BARD1: variants seen among roughly 807,000 people sequenced by gnomAD.
BARD1 encodes BRCA1-associated RING domain protein 1.
BARD1 carries 73 observed loss-of-function variants against 77.0 expected under a neutral mutation model. The ratio of observed to expected loss-of-function variants is 0.95; its 90% CI spans 0.79 to 1.15. The LOEUF (loss-of-function observed/expected upper bound fraction) is 1.15, where lower values mean the gene tolerates loss of function less well. BARD1 is among the 50% of genes most tolerant of loss of function. The probability of loss-of-function intolerance (pLI) is 0.00; values close to 1 mark genes in which losing one functional copy is unlikely to be tolerated. For synonymous variants in BARD1, 384 were observed against 338.0 expected (o/e 1.14, Z -1.49); for missense variants, 993 against 938.8 (o/e 1.06, Z -0.75).
rs1184047535 is a variant in BARD1, at chr2:214,792,541, G to C, written c.216-96C>G. On this transcript the variant is annotated intron_variant, in intron 2 of 10. Transcript: ENST00000260947. Reference sequence around the variant, plus strand: ...TTGAACAGAAATAAATGGAGCAGAGGTTATTCTAACATACAATGGTCAATT... The same window carrying C: ...TTGAACAGAAATAAATGGAGCAGAGCTTATTCTAACATACAATGGTCAATT... 4.1e-6 allele frequency: 5 copies of C among 1,232,580 alleles called. No individual in the cohort carries two copies. In the Admixed American group the frequency reaches 8.2e-5, roughly 20 times the overall value. 76.4% of individuals were successfully genotyped at this position (1,232,580 alleles called of 1,614,324 possible).
rs1692104255 is a variant in BARD1 at position 214,726,821 on chromosome 2, A to G, written c.*1855T>C. On this transcript the variant is annotated 3_prime_UTR_variant, in exon 11 of 11. Transcript: ENST00000260947. ...AGATGAAACTGCTTAACAGTCAGGG[A>G]AAAACAACAAAAAGAAGGGAGGGGT... The G allele has an allele frequency of 4.4e-6, 1 of 228,116 alleles. No homozygotes were observed. Among genetic ancestry groups the G allele is most frequent in the East Asian group, 6.3e-5 (1 of 15,874 alleles). 14.1% of individuals were successfully genotyped at this position (228,116 alleles called of 1,614,324 possible).
Position 214,749,702 on chromosome 2 carries a change from C to T in BARD1, c.1677+2745G>A, listed in dbSNP as rs560700568. 2.6e-5 allele frequency among the ~76,000 whole-genome samples: 4 copies of T among 151,716 alleles called. No individual in the cohort carries two copies. In the East Asian group the frequency reaches 5.8e-4, roughly 22 times the overall value. On this transcript the variant is annotated intron_variant, in intron 7 of 10. Coordinates refer to ENST00000260947, the MANE Select transcript of BARD1 (RefSeq NM_000465.4). ...CAAGTCAATTTATAGTTGCTGAGTA[C>T]GGTGGGACTGAATTGAGTACCGACC...
rs1227027424 is a variant in BARD1, at chr2:214,727,507, A to G, written c.*1169T>C. On this transcript the variant is annotated 3_prime_UTR_variant, in exon 11 of 11. Transcript: ENST00000260947. The stretch of plus-strand genomic sequence containing the variant: ...CTTCTTAAAAAAATGTTTCAAAATA[A>G]TCTAATGTATCCTTGTCGATTCATG... 2.2e-5 allele frequency: 5 copies of G among 231,878 alleles called. No homozygotes were observed. The highest frequency in any genetic ancestry group is 3.4e-5 in the Non-Finnish European group (4 of 117,242). 14.4% of individuals were successfully genotyped at this position (231,878 alleles called of 1,614,324 possible).
rs34969857 is a variant in BARD1 at position 214,781,254 on chromosome 2, T to C, written c.620A>G (p.Lys207Arg). The change falls in exon 4 of 11, where the codon AAA (lysine) becomes AGA (arginine). Residue 207 changes from lysine (K) to arginine (R), a missense_variant. Coordinates refer to ENST00000260947, the MANE Select transcript of BARD1 (RefSeq NM_000465.4). ...GTTGATTTCAGCTAAAGTTTTCTTT[T>C]TTTGCTTTTTTCCAGATCTTGCAGA... ...KASARSGKKQ[K>R]KKTLAEINQK... is the part of the protein sequence containing the mutation. 3.7e-4 allele frequency: 596 copies of C among 1,595,176 alleles called. 3 individuals carry two copies. The African/African-American group carries it at 6.8e-3, about 18-fold the overall frequency.
chr2:214,758,389 C>T (rs1422820253), intron 6 of BARD1, among the ~76,000 whole-genome samples: 1 of 152,086 alleles, frequency 6.6e-6, no homozygotes, highest in East Asian at 1.9e-4. Flanking sequence ...CATTATATTA[C>T]TGTATTGGAT....
At chr2:214,739,792 A>G (rs940400865) in intron 9 of BARD1, among the ~76,000 whole-genome samples, 6 of 152,126 alleles carry the variant, frequency 3.9e-5, no homozygotes, top group African/African-American at 1.4e-4. Flanking sequence ...TTTAGCAATT[A>G]TTTATTTTTG....
intron 5 of BARD1, among the ~76,000 whole-genome samples, 165 bp downstream of exon 5, chr2:214,769,065 GAA>G: frequency 6.6e-6 from 1 of 152,318 alleles, no homozygotes; most frequent in South Asian, 2.1e-4. Context: ...TGTCACAAAT[GAA>G]AAGCTAGAAG....
Position 214,728,719 on chromosome 2 carries a change from A to G in BARD1, c.2291T>C (p.Ile764Thr), listed in dbSNP as rs587780030. The change falls in exon 11 of 11, where the codon ATA becomes ACA. Residue 764 changes from isoleucine (I) to threonine (T), a missense_variant. Transcript: ENST00000260947. ...KVWKAPSSWF[I>T]DCVMSFELLP... ...CAACTCAAAGGACATCACACAGTCT[A>G]TAAACCAGCTCGAAGGAGCCTTCCA... 3.4e-5 allele frequency: 55 copies of G among 1,614,104 alleles called. No individual in the cohort carries two copies. The highest frequency in any genetic ancestry group is 4.6e-5 in the Non-Finnish European group (54 of 1,180,038).
chr2:214,784,282 CTCATCA>C (rs1403121339), intron 3 of BARD1, among the ~76,000 whole-genome samples: 1 of 152,028 alleles, frequency 6.6e-6, no homozygotes, highest in Admixed American at 6.6e-5. Flanking sequence ...GAAAAAAAAG[CTCATCA>C]TCATCATTAG....
intron 1 of BARD1, among the ~76,000 whole-genome samples, chr2:214,807,215 TA>T (rs577081009): frequency 0.097 from 14,071 of 145,254 alleles, 831 homozygotes; most frequent in African/African-American, 0.18. Flanking sequence ...AGGTTCGGAT[TA>T]AAAAAAAAAA....
chr2:214,760,148 G>A lies in BARD1; in HGVS notation c.1568+7334C>T, dbSNP rs539880211. 5.9e-5 allele frequency among the ~76,000 whole-genome samples: 9 copies of A among 152,220 alleles called. No individual in the cohort carries two copies. The South Asian group carries it at 1.7e-3, about 28-fold the overall frequency. On this transcript the variant is annotated intron_variant, in intron 6 of 10. Transcript: ENST00000260947. The stretch of plus-strand genomic sequence containing the variant: ...ACTGAAAAGGTACTTCTTAAGCCTG[G>A]TCTCCAATATTTAAAGTCACATCTT...
chr2:214,757,177 G>C (rs1411389658), intron 6 of BARD1, among the ~76,000 whole-genome samples: 1 of 151,738 alleles, frequency 6.6e-6, no homozygotes, highest in East Asian at 1.9e-4. Flanking sequence ...CCAGTCTCAG[G>C]TGTTTCACAG....
chr2:214,781,348 G>A lies in BARD1; in HGVS notation c.526C>T (p.Gln176Ter), dbSNP rs776851287. The change falls in exon 4 of 11, where the codon CAG (glutamine) becomes TAG (stop). Residue 176 changes from glutamine to a stop codon, truncating the protein, a stop_gained. Transcript: ENST00000260947. LOFTEE classifies it high-confidence loss of function. The stretch of plus-strand genomic sequence containing the variant: ...GAAACAAATTCATATGAGTCTTGCT[G>A]AGCACTTGCATCTTTTTTTATTGCA... ...QPAIKKDASA[Q>*]QDSYEFVSPS... 1.2e-6 allele frequency: 2 copies of A among 1,613,688 alleles called. No individual in the cohort carries two copies. Among genetic ancestry groups the A allele is most frequent in the Non-Finnish European group, 1.7e-6 (2 of 1,179,910 alleles).
At chr2:214,747,469 A>T (rs923015811) in intron 7 of BARD1, among the ~76,000 whole-genome samples, 1 of 150,770 alleles carries the variant, frequency 6.6e-6, no homozygotes, top group Admixed American at 6.6e-5. Context: ...ATGTCCAACA[A>T]CGATAGACTG....
chr2:214,725,770 T>C lies in BARD1; in HGVS notation c.*2906A>G, dbSNP rs1692058010. The C allele has an allele frequency of 4.6e-6, 1 of 218,688 alleles. No individual in the cohort carries two copies. The highest frequency in any genetic ancestry group is 2.0e-4 in the South Asian group (1 of 5,088). The allele number at this position is 218,688 out of a possible 1,614,324, so 13.5% of individuals were successfully genotyped here. On this transcript the variant is annotated 3_prime_UTR_variant, in exon 11 of 11. Coordinates refer to ENST00000260947, the MANE Select transcript of BARD1 (RefSeq NM_000465.4). ...ATCTATCAAAGAAAATGGTGGCTTT[T>C]AGTAATTAAATAAGACAAGCATTAG...
chr2:214,736,497 T>G (rs536024274), intron 9 of BARD1, among the ~76,000 whole-genome samples: 1 of 152,290 alleles, frequency 6.6e-6, no homozygotes, highest in South Asian at 2.1e-4. Flanking sequence ...AACATTCTTA[T>G]GATATCTACT....
chr2:214,745,910 C>A (rs1223464028), intron 7 of BARD1, 56 bp from the exon 8 acceptor site: 1 of 1,579,436 alleles, frequency 6.3e-7, no homozygotes, highest in African/African-American at 1.3e-5. Context: ...TAGACAAAGA[C>A]ATTAAACAGA....
rs35933323 is a variant in BARD1, at chr2:214,809,366, T to G, written c.158+46A>C. 1,151,676 of 1,606,874 alleles carry G rather than the reference T, an allele frequency of 0.72. 414,115 individuals carry two copies. The highest frequency in any genetic ancestry group is 0.81 in the Admixed American group (48,111 of 59,612). On this transcript the variant is annotated intron_variant, in intron 1 of 10. Coordinates refer to ENST00000260947, the MANE Select transcript of BARD1 (RefSeq NM_000465.4). ...AAGATTCTGCCGCCCCCAGAAACTG[T>G]GCGACCCGTGCCCTCGCAGCCACCC... is the stretch of plus-strand genomic sequence containing the variant.
chr2:214,727,935 A>G lies in BARD1; in HGVS notation c.*741T>C, dbSNP rs1389423126. On this transcript the variant is annotated 3_prime_UTR_variant, in exon 11 of 11. Transcript: ENST00000260947. Reference sequence around the variant, plus strand: ...AAAATGTGTTAGAGAAAATGCTCTAAGTATATATACACATGTAGTAGATAA... The same window carrying G: ...AAAATGTGTTAGAGAAAATGCTCTAGGTATATATACACATGTAGTAGATAA... 3 of 215,980 alleles carry G rather than the reference A, an allele frequency of 1.4e-5. No individual in the cohort carries two copies. The East Asian group carries it at 2.1e-4, about 15-fold the overall frequency. The allele number at this position is 215,980 out of a possible 1,614,324, so 13.4% of individuals were successfully genotyped here. A position where few individuals can be genotyped will look rare whatever the true frequency, so the allele number is the denominator to read the frequency against.
Sources: allele counts gnomAD v4.1 joint callset (sites outside exome capture counted in the v4.1 genomes callset), GRCh38; gene constraint gnomAD v4.1.1; transcripts MANE v1.5; gene names NCBI Gene and HGNC (gene_info 2026-07-23, HGNC 2026-07-21).